Variants in NCAM1 observed in about 807,000 individuals in gnomAD.
NCAM1 encodes the protein antigen recognized by monoclonal antibody 5.1H11.
In NCAM1, 14 loss-of-function variants were observed where a neutral mutation model predicts 109.8. That is an observed-to-expected ratio of 0.13 (90% confidence interval 0.08 to 0.20). The LOEUF is 0.20. Ranked by LOEUF, NCAM1 falls within the 10% of genes least tolerant of loss-of-function variation. NCAM1 has a pLI of 1.00. For missense variants in NCAM1, 774 were observed against 1,109.9 expected (o/e 0.70, Z 4.30); for synonymous variants, 418 against 442.9 (o/e 0.94, Z 0.70).
At chr11:113,075,855 A>G (rs1237493659) in intron 1 of NCAM1, among the ~76,000 whole-genome samples, 1 of 152,228 alleles carries the variant, frequency 6.6e-6, no homozygotes, top group Non-Finnish European at 1.5e-5. Flanking sequence ...AACAATGTCA[A>G]CTGCAAAGTG....
intron 1 of NCAM1, among the ~76,000 whole-genome samples, chr11:113,172,451 T>C (rs1189609663): frequency 6.6e-6 from 1 of 152,260 alleles, no homozygotes; most frequent in Admixed American, 6.5e-5. Flanking sequence ...TGTGCCACAG[T>C]GGATTCCGTA....
Position 113,081,821 on chromosome 11 carries a change from A to G in NCAM1, c.52+120157A>G, listed in dbSNP as rs540276161. Among the ~76,000 whole-genome samples the G allele has an allele frequency of 3.9e-5, 6 of 152,340 alleles. No individual in the cohort carries two copies. In the East Asian group the frequency reaches 9.6e-4, roughly 24 times the overall value. ...AGTGTTGGGACTACAGGCGTGAGCC[A>G]TCGCGCCGTCTTTTCTTTTTTTCTT... On this transcript the variant is annotated intron_variant, in intron 1 of 19. Coordinates refer to ENST00000316851, the MANE Select transcript of NCAM1 (RefSeq NM_181351.5).
At chr11:112,975,559 T>C (rs1310667916) in intron 1 of NCAM1, among the ~76,000 whole-genome samples, 1 of 152,052 alleles carries the variant, frequency 6.6e-6, no homozygotes, top group Non-Finnish European at 1.5e-5. Context: ...TTTTTTTCCT[T>C]TTGTGTGTGT....
chr11:113,123,623 G>A (rs1941058228), intron 1 of NCAM1, among the ~76,000 whole-genome samples: 1 of 152,184 alleles, frequency 6.6e-6, no homozygotes. Context: ...TGCCTGCCAG[G>A]TGGGAGACAT....
intron 14 of NCAM1, chr11:113,243,788 C>A: frequency 3.6e-6 from 1 of 275,340 alleles, no homozygotes; most frequent in South Asian, 3.5e-5. Context: ...AGGCAGAAAG[C>A]AGGTATGCAA....
chr11:113,188,422 C>A (rs1235371173), intron 1 of NCAM1, among the ~76,000 whole-genome samples: 2 of 152,150 alleles, frequency 1.3e-5, no homozygotes, highest in East Asian at 3.9e-4. Context: ...CTGTCTGAAG[C>A]ATTAGAGCCA....
At position 112,971,446 on chromosome 11, in the gene NCAM1, G is replaced by A. The variant is rs12277702; in HGVS notation, c.52+9782G>A. On this transcript the variant is annotated intron_variant, in intron 1 of 19. Coordinates refer to ENST00000316851, the MANE Select transcript of NCAM1 (RefSeq NM_181351.5). ...GAATAGAAACTGAATGGGTTGTGAG[G>A]GTGGGGAGGAAGAAATGACAGCAAA... 9.5e-3 allele frequency among the ~76,000 whole-genome samples: 1,450 copies of A among 152,174 alleles called. 29 individuals carry two copies. The highest frequency in any genetic ancestry group is 0.033 in the African/African-American group (1,380 of 41,516).
intron 1 of NCAM1, among the ~76,000 whole-genome samples, chr11:113,146,074 T>G (rs1467802835): frequency 6.6e-6 from 1 of 152,226 alleles, no homozygotes; most frequent in Admixed American, 6.5e-5. Context: ...GTTATTAGTT[T>G]TATAGCTCTA....
chr11:113,097,171 C>G (rs1215421188), intron 1 of NCAM1, among the ~76,000 whole-genome samples: 1 of 152,210 alleles, frequency 6.6e-6, no homozygotes, highest in Non-Finnish European at 1.5e-5. Context: ...TTGGCTCACT[C>G]TGATTCCAAA....
At chr11:113,059,453 T>C (rs191730391) in intron 1 of NCAM1, among the ~76,000 whole-genome samples, 100 of 152,330 alleles carry the variant, frequency 6.6e-4, no homozygotes, top group African/African-American at 2.0e-3. Context: ...TGATTGGGGC[T>C]GGAGGATCCA....
At chr11:113,239,596 C>G (rs1203899397) in intron 14 of NCAM1, among the ~76,000 whole-genome samples, 2 of 149,342 alleles carry the variant, frequency 1.3e-5, no homozygotes, top group African/African-American at 4.9e-5. Flanking sequence ...AGCTCCGCCT[C>G]CCGGGTTCAC....
intron 1 of NCAM1, among the ~76,000 whole-genome samples, chr11:113,002,380 A>C (rs12363408): frequency 0.26 from 39,692 of 152,138 alleles, 5,671 homozygotes; most frequent in East Asian, 0.53. Flanking sequence ...GTTTAATTGA[A>C]TCTTATCAAT....
At chr11:112,999,505 G>T (rs1951688400) in intron 1 of NCAM1, among the ~76,000 whole-genome samples, 1 of 151,508 alleles carries the variant, frequency 6.6e-6, no homozygotes, top group Non-Finnish European at 1.5e-5. Flanking sequence ...AGCTCTCTGG[G>T]TCCTCATTTT....
At chr11:113,183,710 G>C (rs570692187) in intron 1 of NCAM1, among the ~76,000 whole-genome samples, 2 of 152,192 alleles carry the variant, frequency 1.3e-5, no homozygotes, top group East Asian at 3.9e-4. Context: ...GCTAGAACTC[G>C]CATGTCCAGG....
intron 1 of NCAM1, among the ~76,000 whole-genome samples, chr11:113,189,365 A>G (rs1282470769): frequency 1.3e-5 from 2 of 150,104 alleles, no homozygotes; most frequent in Non-Finnish European, 3.0e-5. Flanking sequence ...CCAGAGAATC[A>G]CTTGAACCCA....
chr11:113,201,450 A>G (rs1944057404), intron 1 of NCAM1, among the ~76,000 whole-genome samples: 1 of 152,132 alleles, frequency 6.6e-6, no homozygotes, highest in African/African-American at 2.4e-5. Flanking sequence ...TTGCCTTTAG[A>G]TTTGGGGTTT....
intron 1 of NCAM1, among the ~76,000 whole-genome samples, chr11:113,161,329 A>G (rs1555104362): frequency 6.6e-6 from 1 of 152,198 alleles, no homozygotes; most frequent in Admixed American, 6.5e-5. Flanking sequence ...TCTACATAGT[A>G]TTTTAAAATT....
intron 1 of NCAM1, among the ~76,000 whole-genome samples, chr11:113,191,423 T>C (rs1292022893): frequency 6.6e-6 from 1 of 152,192 alleles, no homozygotes; most frequent in Non-Finnish European, 1.5e-5. Context: ...TGCCTGCCAG[T>C]TCACCCAGTA....
chr11:113,208,488 C>T (rs1307661103), intron 7 of NCAM1, among the ~76,000 whole-genome samples: 1 of 151,966 alleles, frequency 6.6e-6, no homozygotes, highest in African/African-American at 2.4e-5. Context: ...ATCTCAGGAT[C>T]ACTGCCCTAG....
Sources: gnomAD v4.1 joint callset for allele counts (sites outside exome capture counted in the v4.1 genomes callset) on GRCh38, gnomAD v4.1.1 for gene constraint, MANE v1.5 for transcripts, NCBI Gene and HGNC (gene_info 2026-07-23, HGNC 2026-07-21) for gene names.